Variants in CIMIP4 observed in about 807,000 individuals in gnomAD.
The protein encoded by CIMIP4 is ciliary microtubule inner protein 4, also known as protein EAN57.
chr22:37,006,780 T>A, the CIMIP4 span, among the ~76,000 whole-genome samples: 1 of 152,144 alleles, frequency 6.6e-6, no homozygotes, highest in East Asian at 1.9e-4. Flanking sequence ...TATAATTCTC[T>A]CCCCTTTGGT....
At chr22:37,002,137 T>C in the CIMIP4 span, 1 of 1,544,674 alleles carries the variant, frequency 6.5e-7, no homozygotes, top group Non-Finnish European at 8.7e-7. Context: ...GGCACTGCCC[T>C]AGGGAGCTGC....
the CIMIP4 span, among the ~76,000 whole-genome samples, chr22:36,992,714 A>G: frequency 6.6e-6 from 1 of 152,142 alleles, no homozygotes; most frequent in Non-Finnish European, 1.5e-5. Flanking sequence ...TTTAAAAAGA[A>G]ATTCAATTAA....
At chr22:37,005,369 C>T in the CIMIP4 span, among the ~76,000 whole-genome samples, 2 of 152,156 alleles carry the variant, frequency 1.3e-5, no homozygotes, top group Non-Finnish European at 2.9e-5. Context: ...CAGTGTCAAA[C>T]TTCTAAGCTT....
the CIMIP4 span, among the ~76,000 whole-genome samples, chr22:37,002,605 T>C: frequency 1.3e-5 from 2 of 152,184 alleles, no homozygotes; most frequent in East Asian, 3.9e-4. Context: ...TGTCCCGCCT[T>C]GAGGCCTAGC....
At chr22:37,003,069 T>C in the CIMIP4 span, among the ~76,000 whole-genome samples, 1 of 152,262 alleles carries the variant, frequency 6.6e-6, no homozygotes, top group Non-Finnish European at 1.5e-5. Context: ...CCTCCAAAAC[T>C]TCAAGTCCTC....
At chr22:36,996,137 GA>G in the CIMIP4 span, among the ~76,000 whole-genome samples, 19 of 149,882 alleles carry the variant, frequency 1.3e-4, no homozygotes, top group East Asian at 3.9e-4. Flanking sequence ...TTTTTATCTG[GA>G]AAAAAAAATG....
the CIMIP4 span, among the ~76,000 whole-genome samples, chr22:36,992,073 G>A: frequency 6.6e-6 from 1 of 152,206 alleles, no homozygotes; most frequent in Admixed American, 6.5e-5. Context: ...TTTAGGCCGG[G>A]GGCAGTGGCT....
At chr22:36,994,630 A>ATTTTT in the CIMIP4 span, among the ~76,000 whole-genome samples, 1 of 114,180 alleles carries the variant, frequency 8.8e-6, no homozygotes, top group Non-Finnish European at 1.7e-5. Context: ...GCCTCCTGAG[A>ATTTTT]TTTTTTTTTT....
the CIMIP4 span, among the ~76,000 whole-genome samples, chr22:36,997,242 G>A: frequency 1.8e-4 from 28 of 152,300 alleles, no homozygotes; most frequent in East Asian, 5.0e-3. Context: ...AGAGTTAAAT[G>A]TGAAAAGCAA....
At chr22:36,999,513 AAGGGAAGGGG>A in the CIMIP4 span, among the ~76,000 whole-genome samples, 1 of 79,598 alleles carries the variant, frequency 1.3e-5, no homozygotes, top group Non-Finnish European at 2.3e-5. Flanking sequence ...AAGGGAAGGA[AAGGGAAGGGG>A]AGGGGAGGGG....
the CIMIP4 span, among the ~76,000 whole-genome samples, chr22:37,000,739 T>C: frequency 6.6e-6 from 1 of 152,140 alleles, no homozygotes; most frequent in Non-Finnish European, 1.5e-5. Context: ...GGGACAACGG[T>C]GGCTGAAGAG....
At chr22:37,003,795 T>C in the CIMIP4 span, among the ~76,000 whole-genome samples, 1 of 152,184 alleles carries the variant, frequency 6.6e-6, no homozygotes, top group South Asian at 2.1e-4. Flanking sequence ...TCCCTCCTTT[T>C]TCCTTCTGTC....
the CIMIP4 span, chr22:36,991,389 C>T: frequency 6.4e-7 from 1 of 1,560,808 alleles, no homozygotes; most frequent in African/African-American, 1.4e-5. Context: ...GGCTCTGTCT[C>T]CTGCTCTGGT....
the CIMIP4 span, among the ~76,000 whole-genome samples, chr22:36,994,755 C>T: frequency 6.6e-6 from 1 of 151,792 alleles, no homozygotes; most frequent in Non-Finnish European, 1.5e-5. Flanking sequence ...CTCAGCCTCC[C>T]GAGTAGCTGG....
At chr22:36,998,295 G>A in the CIMIP4 span, among the ~76,000 whole-genome samples, 2 of 152,214 alleles carry the variant, frequency 1.3e-5, no homozygotes, top group South Asian at 2.1e-4. Context: ...TTTCCTCCCT[G>A]ACACCATCCC....
chr22:37,006,791 G>A, the CIMIP4 span, among the ~76,000 whole-genome samples: 1 of 152,178 alleles, frequency 6.6e-6, no homozygotes, highest in Non-Finnish European at 1.5e-5. Flanking sequence ...CCCCTTTGGT[G>A]TGGACTGGAC....
At chr22:36,993,716 G>A in the CIMIP4 span, among the ~76,000 whole-genome samples, 1 of 151,078 alleles carries the variant, frequency 6.6e-6, no homozygotes, top group African/African-American at 2.4e-5. Flanking sequence ...GCAACAGAGT[G>A]AGACTCCATC....
At chr22:36,999,315 A>C in the CIMIP4 span, among the ~76,000 whole-genome samples, 24 of 147,992 alleles carry the variant, frequency 1.6e-4, no homozygotes, top group African/African-American at 5.5e-4. Flanking sequence ...AAAAAAAAAA[A>C]CAGAAAAGAA....
the CIMIP4 span, among the ~76,000 whole-genome samples, chr22:36,996,563 C>A: frequency 6.6e-6 from 1 of 151,760 alleles, no homozygotes; most frequent in Non-Finnish European, 1.5e-5. Context: ...AGGTATATAC[C>A]ATATTCATAT....
Sources: gnomAD v4.1 joint callset for allele counts (sites outside exome capture counted in the v4.1 genomes callset) on GRCh38, gnomAD v4.1.1 for gene constraint, MANE v1.5 for transcripts, NCBI Gene and HGNC (gene_info 2026-07-23, HGNC 2026-07-21) for gene names.